Variants in ZNF540 observed in about 807,000 individuals in gnomAD.
The protein encoded by ZNF540 is zinc finger protein 540, also known as CTD-3064H18.6.
ZNF540 carries 3 observed loss-of-function variants against 11.8 expected under a neutral mutation model. The ratio of observed to expected loss-of-function variants is 0.25; its 90% confidence interval spans 0.12 to 0.65. ZNF540 has a LOEUF of 0.65. ZNF540 is among the 30% of genes least tolerant of loss of function. ZNF540 has a pLI of 0.83. For missense variants in ZNF540, 709 were observed against 793.1 expected (o/e 0.89, Z 1.27); for synonymous variants, 247 against 259.0 (o/e 0.95, Z 0.45).
rs748468978 is a variant in ZNF540 at position 37,612,742 on chromosome 19, A to C, written c.1462A>C (p.Ile488Leu). Residue 488 changes from isoleucine (I) to leucine (L), a missense_variant, in exon 5 of 5, where the codon ATT becomes CTT. Transcript: ENST00000316433. ...TTCTCAAATTAGTCTACATAAGAAA[A>C]TTCATACTGATGTGAAGCCCTACAA... ...VRSQISLHKK[I>L]HTDVKPYKCV... The C allele has an allele frequency of 3.1e-6, 5 of 1,614,084 alleles. No homozygotes were observed. Among genetic ancestry groups the C allele is most frequent in the Middle Eastern group, 1.6e-4 (1 of 6,062 alleles).
intron 1 of ZNF540, chr19:37,554,978 G>C (rs2042644296): frequency 6.6e-6 from 1 of 152,260 alleles, no homozygotes; most frequent in Admixed American, 6.5e-5. Flanking sequence ...AAATTAAACA[G>C]TTCCAGGTGC....
chr19:37,586,761 A>C, intron 1 of ZNF540: 2 of 1,432,154 alleles, frequency 1.4e-6, no homozygotes, highest in Non-Finnish European at 1.9e-6. Context: ...CAAGGAAAAG[A>C]AGCCACAAGA....
intron 1 of ZNF540, among the ~76,000 whole-genome samples, chr19:37,597,879 A>G (rs929231879): frequency 2.6e-5 from 4 of 152,236 alleles, no homozygotes; most frequent in African/African-American, 9.6e-5. Context: ...GTTCCATTCC[A>G]GCTTTATTTA....
intron 1 of ZNF540, chr19:37,583,945 C>G (rs777368278): frequency 6.4e-7 from 1 of 1,567,836 alleles, no homozygotes; most frequent in Non-Finnish European, 8.7e-7. Context: ...GGAACAAATT[C>G]TGAATATTAC....
intron 1 of ZNF540, among the ~76,000 whole-genome samples, chr19:37,568,794 G>A (rs1023860802): frequency 1.3e-5 from 2 of 151,994 alleles, no homozygotes; most frequent in Non-Finnish European, 2.9e-5. Context: ...CTGCAAAAGG[G>A]GTGATGAGTG....
At chr19:37,565,988 C>T in intron 1 of ZNF540, 3 of 1,613,860 alleles carry the variant, frequency 1.9e-6, no homozygotes, top group Non-Finnish European at 2.5e-6. Flanking sequence ...GTAGCTGAAA[C>T]CTTGTCTGCA....
chr19:37,571,918 CCTTA>C (rs2043068870), intron 1 of ZNF540, among the ~76,000 whole-genome samples: 1 of 152,104 alleles, frequency 6.6e-6, no homozygotes, highest in Non-Finnish European at 1.5e-5. Context: ...CAGTTGATAG[CCTTA>C]CTATCAACTA....
At chr19:37,593,125 G>T (rs962441005), upstream of ZNF540, among the ~76,000 whole-genome samples, 1 of 146,532 alleles carries the variant, frequency 6.8e-6, no homozygotes, top group Admixed American at 6.8e-5. Flanking sequence ...CTTATTGTTA[G>T]TTTTTTTTTT....
chr19:37,572,006 AT>A (rs372037887), intron 1 of ZNF540, among the ~76,000 whole-genome samples: 2 of 150,912 alleles, frequency 1.3e-5, no homozygotes, highest in African/African-American at 4.9e-5. Context: ...CAAATAGACT[AT>A]ATGGCCATAA....
intron 1 of ZNF540, chr19:37,584,103 A>G (rs2043574713): frequency 6.2e-7 from 1 of 1,613,970 alleles, no homozygotes; most frequent in African/African-American, 1.3e-5. Context: ...AACAACTGAA[A>G]CAACAAATCC....
chr19:37,591,191 G>GTA (rs769687770), upstream of ZNF540, among the ~76,000 whole-genome samples: 1 of 152,200 alleles, frequency 6.6e-6, no homozygotes, highest in Non-Finnish European at 1.5e-5. Flanking sequence ...ACTGTACACT[G>GTA]TATACCACAA....
chr19:37,566,574 A>C (rs903790363), intron 1 of ZNF540: 2 of 271,548 alleles, frequency 7.4e-6, no homozygotes, highest in Admixed American at 4.8e-5. Flanking sequence ...TAATAAAAAC[A>C]CCCTCTTGAA....
chr19:37,581,880 A>C lies in ZNF540; in HGVS notation c.-72-16496A>C, dbSNP rs1332781043. 3.7e-3 allele frequency among the ~76,000 whole-genome samples: 557 copies of C among 151,892 alleles called. 2 individuals are homozygous for C. Among genetic ancestry groups the C allele is most frequent in the Non-Finnish European group, 3.4e-3 (233 of 67,922 alleles). ...CAGGGTGAACCAGGAGAATGGCAAA[A>C]CTTCTCAAGAGGTATGCATGCTTCC... On this transcript the variant is annotated intron_variant, in intron 1 of 4. Transcript: ENST00000592533.
intron 1 of ZNF540, among the ~76,000 whole-genome samples, chr19:37,553,009 GTTTT>G (rs34788856): frequency 2.2e-5 from 3 of 139,182 alleles, no homozygotes; most frequent in Non-Finnish European, 3.1e-5. Flanking sequence ...TTTGCATGGT[GTTTT>G]TTTTTTTTTT....
At position 37,614,143 on chromosome 19, in the gene ZNF540, A is replaced by T. The variant is rs2044153749; in HGVS notation, c.*880A>T. 3.1e-6 allele frequency: 1 copy of T among 327,834 alleles called. No homozygotes were observed. Among genetic ancestry groups the T allele is most frequent in the Non-Finnish European group, 5.5e-6 (1 of 182,976 alleles). The allele number at this position is 327,834 out of a possible 1,614,324, so 20.3% of individuals were successfully genotyped here. On this transcript the variant is annotated 3_prime_UTR_variant, in exon 5 of 5. Coordinates refer to ENST00000316433, the MANE Select transcript of ZNF540 (RefSeq NM_001172225.3). ...GTTATGCAGCCCAGATAACTAAGGC[A>T]CTCCATTAGAATATAAATAAAATGT...
At chr19:37,566,929 T>C (rs1344488443) in intron 1 of ZNF540, among the ~76,000 whole-genome samples, 1 of 152,164 alleles carries the variant, frequency 6.6e-6, no homozygotes, top group Non-Finnish European at 1.5e-5. Flanking sequence ...TTTTCTTATG[T>C]CATCTCCCAC....
intron 1 of ZNF540, chr19:37,586,914 C>A: frequency 3.6e-6 from 2 of 551,822 alleles, no homozygotes; most frequent in South Asian, 4.9e-5. Context: ...CAGACCTTTC[C>A]TTAATGTCCA....
At chr19:37,585,441 TAAG>T (rs1045125638) in intron 1 of ZNF540, 5 of 152,220 alleles carry the variant, frequency 3.3e-5, no homozygotes, top group Admixed American at 2.6e-4. Flanking sequence ...ACCAGCCTGA[TAAG>T]AATAGGCTGA....
At chr19:37,602,324 T>C (rs1273804116) in intron 4 of ZNF540, among the ~76,000 whole-genome samples, 1 of 152,190 alleles carries the variant, frequency 6.6e-6, no homozygotes, top group Non-Finnish European at 1.5e-5. Context: ...AAGATCGAGA[T>C]GTTGAACAGA....
Sources: gnomAD v4.1 joint callset for allele counts (sites outside exome capture counted in the v4.1 genomes callset) on GRCh38, gnomAD v4.1.1 for gene constraint, MANE v1.5 for transcripts, NCBI Gene and HGNC (gene_info 2026-07-23, HGNC 2026-07-21) for gene names.